HTR3C: variants seen among roughly 807,000 people sequenced by gnomAD.
The protein encoded by HTR3C is 5-hydroxytryptamine receptor 3C.
Under a neutral mutation model 40.5 loss-of-function variants are expected in HTR3C, and 32 were observed. The observed-to-expected ratio is 0.79, with a 90% CI of 0.60 to 1.06. The LOEUF (loss-of-function observed/expected upper bound fraction) is 1.06. Ranked by LOEUF, HTR3C falls within the 50% of genes least tolerant of loss-of-function variation. The pLI, the probability that HTR3C is intolerant of heterozygous loss-of-function variation, is 0.00. For missense variants in HTR3C, 523 were observed against 556.8 expected, an observed-to-expected ratio of 0.94 and a Z score of 0.61; for synonymous variants, 209 against 217.1, an observed-to-expected ratio of 0.96 and a Z score of 0.33.
At chr3:184,058,181 G>C (rs1249959038) in intron 5 of HTR3C, among the ~76,000 whole-genome samples, 1 of 152,198 alleles carries the variant, frequency 6.6e-6, no homozygotes, top group Non-Finnish European at 1.5e-5. Context: ...TCACGTTTCA[G>C]TCATATCCAA....
At chr3:184,055,202 T>C in intron 2 of HTR3C, 110 bp from the exon 3 acceptor site, 2 of 794,464 alleles carry the variant, frequency 2.5e-6, no homozygotes, top group Non-Finnish European at 4.4e-6. Context: ...CAATTCAGCA[T>C]CTACAACAAT....
chr3:184,053,747 T>TTTGTTG (rs1334508314), intron 1 of HTR3C, among the ~76,000 whole-genome samples: 1 of 151,980 alleles, frequency 6.6e-6, no homozygotes, highest in Non-Finnish European at 1.5e-5. Context: ...ACTTTGTGGT[T>TTTGTTG]TTGTTGTTGT....
intron 5 of HTR3C, among the ~76,000 whole-genome samples, chr3:184,057,308 T>C (rs1723347737): frequency 6.6e-6 from 1 of 151,868 alleles, no homozygotes; most frequent in South Asian, 2.1e-4. Context: ...CTACAAAATA[T>C]AAAAAGAATT....
intron 1 of HTR3C, among the ~76,000 whole-genome samples, chr3:184,053,771 T>C (rs1458905973): frequency 6.6e-6 from 1 of 151,636 alleles, no homozygotes; most frequent in Admixed American, 6.6e-5. Flanking sequence ...TGTTTGTTTT[T>C]TGACATGAAG....
chr3:184,059,504 C>G lies in HTR3C; in HGVS notation c.789C>G (p.Ala263=). ...NLLVPSSFLV[A]IDALSFYLPA... ...TGGTGCCCAGTAGCTTTCTGGTTGC[C>G]ATTGATGCCCTCAGCTTCTACCTGC... is the stretch of plus-strand genomic sequence containing the variant. Residue 263 remains alanine, a synonymous_variant, in exon 7 of 9, where the codon GCC becomes GCG. Coordinates refer to ENST00000318351, the MANE Select transcript of HTR3C (RefSeq NM_130770.3). The G allele has an allele frequency of 6.2e-7, 1 of 1,614,164 alleles. No homozygotes were observed. Among genetic ancestry groups the G allele is most frequent in the Non-Finnish European group, 8.5e-7 (1 of 1,180,042 alleles).
intron 7 of HTR3C, 34 bp downstream of exon 7, chr3:184,059,674 G>A (rs202130369): frequency 1.2e-4 from 193 of 1,611,158 alleles, no homozygotes; most frequent in Non-Finnish European, 1.5e-4. Flanking sequence ...AGGAGAAAGG[G>A]CACCCGGGGC....
At chr3:184,055,208 A>T in intron 2 of HTR3C, 104 bp from the exon 3 acceptor site, 1 of 832,536 alleles carries the variant, frequency 1.2e-6, no homozygotes, top group Non-Finnish European at 2.1e-6. Context: ...AGCATCTACA[A>T]CAATGCCTGG....
chr3:184,053,600 A>G lies in HTR3C; in HGVS notation c.67+453A>G, dbSNP rs569721358. Among the ~76,000 whole-genome samples the G allele has an allele frequency of 5.3e-5, 8 of 152,322 alleles. No individual in the cohort carries two copies. The South Asian group carries it at 1.7e-3, about 32-fold the overall frequency. On this transcript the variant is annotated intron_variant, in intron 1 of 8. Transcript: ENST00000318351. Reference sequence around the variant, plus strand: ...AATCTGGACACATACCTTAAATATTATGGAAAGAGATGGAGATAGAGAGAA... The same window carrying G: ...AATCTGGACACATACCTTAAATATTGTGGAAAGAGATGGAGATAGAGAGAA...
rs771540182 is a variant in HTR3C at position 184,056,865 on chromosome 3, C to T, written c.390-10C>T. ...TAAGCCTCCATCTCTTCCCTCCCTT[C>T]CCCAAACAGCATGGATGTGGATCAG... On this transcript the variant is annotated splice_polypyrimidine_tract_variant and intron_variant, in intron 4 of 8. Coordinates refer to ENST00000318351, the MANE Select transcript of HTR3C (RefSeq NM_130770.3). The T allele has an allele frequency of 6.3e-6, 10 of 1,588,342 alleles. No homozygotes were observed. The highest frequency in any genetic ancestry group is 8.6e-6 in the Non-Finnish European group (10 of 1,162,742).
chr3:184,056,429 AAGAGGCGAG>A lies in HTR3C; in HGVS notation c.389+148_389+156del, dbSNP rs1723327617. On this transcript the variant is annotated intron_variant, in intron 4 of 8. Coordinates refer to ENST00000318351, the MANE Select transcript of HTR3C (RefSeq NM_130770.3). The stretch of plus-strand genomic sequence containing the variant: ...GACTTCCACACATCACTACGAGTAG[AAGAGGCGAG>A]AGAGTGACATTAAAGAAAGAGCCCA... The A allele has an allele frequency of 7.7e-6, 5 of 645,806 alleles. No individual in the cohort carries two copies. In the South Asian group the frequency reaches 9.1e-5, roughly 12 times the overall value. The allele number at this position is 645,806 out of a possible 1,614,324, so 40.0% of individuals were successfully genotyped here. A position where few individuals can be genotyped will look rare whatever the true frequency, so the allele number is the denominator to read the frequency against.
At position 184,058,425 on chromosome 3, in the gene HTR3C, A is replaced by G. The variant is rs772127296; in HGVS notation, c.560-2A>G. On this transcript the variant is annotated splice_acceptor_variant, in intron 5 of 8. Coordinates refer to ENST00000318351, the MANE Select transcript of HTR3C (RefSeq NM_130770.3). LOFTEE classifies it high-confidence loss of function. Reference sequence around the variant, plus strand: ...CAATGAACTGACCGGCCTCCCTTCCAGTGGACAGCATGCTGCTGGGCATGG... The same window carrying G: ...CAATGAACTGACCGGCCTCCCTTCCGGTGGACAGCATGCTGCTGGGCATGG... The G allele has an allele frequency of 1.8e-5, 29 of 1,600,830 alleles. No individual in the cohort carries two copies. The South Asian group carries it at 3.0e-4, about 17-fold the overall frequency.
Position 184,060,240 on chromosome 3 carries a change from T to G in HTR3C, c.1232T>G (p.Leu411Arg). The G allele has an allele frequency of 6.2e-7, 1 of 1,614,148 alleles. No individual in the cohort carries two copies. The highest frequency in any genetic ancestry group is 8.5e-7 in the Non-Finnish European group (1 of 1,180,024). Residue 411 changes from leucine (L) to arginine (R), a missense_variant, in exon 9 of 9, where the codon CTA becomes CGA. Coordinates refer to ENST00000318351, the MANE Select transcript of HTR3C (RefSeq NM_130770.3). Reference sequence around the variant, plus strand: ...GGCTCAGGATGGACAAAGACCCAGCTAATGGAGCTGTGGGTGCAGTTCAGC... The same window carrying G: ...GGCTCAGGATGGACAAAGACCCAGCGAATGGAGCTGTGGGTGCAGTTCAGC... ...DGGSGWTKTQ[L>R]MELWVQFSHA...
In HTR3C at chr3:184,058,556, G is replaced by A. The variant is rs1723377991; in HGVS notation, c.689G>A (p.Gly230Asp). Reference protein sequence around the residue: ...INKATPKMSMGNNLYDQIMFY... With the variant: ...INKATPKMSMDNNLYDQIMFY... ...AAGGCCACCCCAAAGATGTCCATGG[G>A]CAACAACCTATATGACCAGATCATG... Residue 230 changes from glycine (G) to aspartate (D), a missense_variant, in exon 6 of 9, where the codon GGC (glycine) becomes GAC (aspartate). Gly to Asp is a moderately conservative substitution (Grantham distance 94). Transcript: ENST00000318351. 6.2e-7 allele frequency: 1 copy of A among 1,613,110 alleles called. No individual in the cohort carries two copies. Among genetic ancestry groups the A allele is most frequent in the African/African-American group, 1.3e-5 (1 of 74,840 alleles).
At position 184,060,553 on chromosome 3, in the gene HTR3C, A is replaced by G. The variant is rs780145873; in HGVS notation, c.*201A>G. ...TTCCCGACCGCTGCTCAGGCTGCTCATTCCTGCTCACCCTCAGTCTCCCTG... is the reference window on the plus strand; with the variant it reads ...TTCCCGACCGCTGCTCAGGCTGCTCGTTCCTGCTCACCCTCAGTCTCCCTG... On this transcript the variant is annotated 3_prime_UTR_variant, in exon 9 of 9. Coordinates refer to ENST00000318351, the MANE Select transcript of HTR3C (RefSeq NM_130770.3). 3.1e-6 allele frequency: 2 copies of G among 639,444 alleles called. No homozygotes were observed. The highest frequency in any genetic ancestry group is 5.4e-6 in the Non-Finnish European group (2 of 369,458). 39.6% of individuals were successfully genotyped at this position (639,444 alleles called of 1,614,324 possible). A position where few individuals can be genotyped will look rare whatever the true frequency, so the allele number is the denominator to read the frequency against.
At chr3:184,056,330 C>G in intron 4 of HTR3C, 44 bp downstream of exon 4, 1 of 1,331,046 alleles carries the variant, frequency 7.5e-7, no homozygotes, top group Non-Finnish European at 1.1e-6. Flanking sequence ...CCTCATCTGC[C>G]GAGAACAGCC....
In HTR3C at chr3:184,059,987, C is replaced by A. The variant is rs556123764; in HGVS notation, c.1085C>A (p.Pro362His). 6.2e-7 allele frequency: 1 copy of A among 1,613,808 alleles called. No homozygotes were observed. Among genetic ancestry groups the A allele is most frequent in the Admixed American group, 1.7e-5 (1 of 60,006 alleles). The change falls in exon 8 of 9, where the codon CCC (proline) becomes CAC (histidine). Residue 362 changes from proline to histidine, a missense_variant. Coordinates refer to ENST00000318351, the MANE Select transcript of HTR3C (RefSeq NM_130770.3). ...TGCACCAGCCCAGGGAGATGCTGTC[C>A]CACTGCGCCCCAGAAGGGAAATAAG... is the stretch of plus-strand genomic sequence containing the variant. ...LHCTSPGRCC[P>H]TAPQKGNKGL...
Position 184,060,671 on chromosome 3 carries a change from G to C in HTR3C, c.*319G>C. 1 of 368,642 alleles carries C rather than the reference G, an allele frequency of 2.7e-6. No individual in the cohort carries two copies. The highest frequency in any genetic ancestry group is 5.0e-6 in the Non-Finnish European group (1 of 201,070). 22.8% of individuals were successfully genotyped at this position (368,642 alleles called of 1,614,324 possible). On this transcript the variant is annotated 3_prime_UTR_variant, in exon 9 of 9. Coordinates refer to ENST00000318351, the MANE Select transcript of HTR3C (RefSeq NM_130770.3). ...ATCACCCCAATAAACAACTTTCCAG[G>C]AAGCACTGGCTCTTCAGTTTGTTTG...
chr3:184,056,144 C>A, intron 3 of HTR3C, 33 bp from the exon 4 acceptor site: 1 of 1,390,868 alleles, frequency 7.2e-7, no homozygotes, highest in South Asian at 1.2e-5. Flanking sequence ...AGCTCACCGT[C>A]ACTCACCTCT....
chr3:184,056,941 T>C lies in HTR3C; in HGVS notation c.456T>C (p.Tyr152=), dbSNP rs182156711. The stretch of plus-strand genomic sequence containing the variant: ...TCAGCAGTGAAGGTCGAATTAAGTA[T>C]GATAAGCCAATGAGGGTGACCAGCA... ...AYISSEGRIK[Y]DKPMRVTSIC... Residue 152 remains tyrosine, a synonymous_variant, in exon 5 of 9, where the codon TAT becomes TAC. Transcript: ENST00000318351. The C allele has an allele frequency of 1.6e-5, 26 of 1,613,886 alleles. No individual in the cohort carries two copies. The highest frequency in any genetic ancestry group is 4.0e-5 in the African/African-American group (3 of 75,044).
Sources: gnomAD v4.1 joint callset for allele counts (sites outside exome capture counted in the v4.1 genomes callset) on GRCh38, gnomAD v4.1.1 for gene constraint, MANE v1.5 for transcripts, NCBI Gene and HGNC (gene_info 2026-07-23, HGNC 2026-07-21) for gene names.